Variants in MNAT1 observed in about 807,000 individuals in gnomAD.
The protein encoded by MNAT1 is MNAT1 component of CDK activating kinase, also known as CDK-activating kinase assembly factor MAT1.
MNAT1 carries 43 observed loss-of-function variants against 42.0 expected under a neutral mutation model. The ratio of observed to expected loss-of-function variants is 1.02; its 90% CI spans 0.80 to 1.32. The LOEUF (loss-of-function observed/expected upper bound fraction) is 1.32, where lower values mean the gene tolerates loss of function less well. Ranked by LOEUF, MNAT1 falls within the 40% of genes most tolerant of loss-of-function variation. MNAT1 has a pLI of 0.00. For missense variants in MNAT1, 306 were observed against 350.4 expected (o/e 0.87, Z 1.01); for synonymous variants, 118 against 120.0 (o/e 0.98, Z 0.11).
intron 6 of MNAT1, among the ~76,000 whole-genome samples, chr14:60,870,982 G>A (rs2034312741): frequency 6.6e-6 from 1 of 152,092 alleles, no homozygotes; most frequent in African/African-American, 2.4e-5. Context: ...TCCTAGAAGT[G>A]GAATCATGTA....
chr14:60,852,310 G>T lies in MNAT1; in HGVS notation c.688-27404G>T, dbSNP rs117882235. Reference sequence around the variant, plus strand: ...TGATAATGAGCCTTTTTTAATGTTTGTTGGCTGCATAAATGTCTTGTTTTG... The same window carrying T: ...TGATAATGAGCCTTTTTTAATGTTTTTTGGCTGCATAAATGTCTTGTTTTG... On this transcript the variant is annotated intron_variant, in intron 6 of 7. Coordinates refer to ENST00000261245, the MANE Select transcript of MNAT1 (RefSeq NM_002431.4). Among the ~76,000 whole-genome samples, 806 of 152,108 alleles carry T rather than the reference G, an allele frequency of 5.3e-3. 8 individuals are homozygous for T. The highest frequency in any genetic ancestry group is 6.2e-3 in the Non-Finnish European group (419 of 67,986).
intron 7 of MNAT1, among the ~76,000 whole-genome samples, chr14:60,903,267 C>T (rs1004500937): frequency 3.3e-5 from 5 of 151,688 alleles, no homozygotes; most frequent in Non-Finnish European, 7.4e-5. Flanking sequence ...AGTTTTTGAA[C>T]CTAATGGTGT....
At chr14:60,806,274 C>T (rs1400701020) in intron 3 of MNAT1, among the ~76,000 whole-genome samples, 1 of 152,146 alleles carries the variant, frequency 6.6e-6, no homozygotes, top group Non-Finnish European at 1.5e-5. Context: ...TGCAAAGTGT[C>T]TCATAAGGAG....
chr14:60,802,812 G>A (rs761055886), intron 3 of MNAT1, among the ~76,000 whole-genome samples: 2 of 151,872 alleles, frequency 1.3e-5, no homozygotes, highest in Admixed American at 6.6e-5. Context: ...TGGGTGAAGC[G>A]TTTGCAGAAA....
intron 6 of MNAT1, among the ~76,000 whole-genome samples, chr14:60,858,066 T>G (rs957829673): frequency 6.6e-6 from 1 of 152,212 alleles, no homozygotes; most frequent in Non-Finnish European, 1.5e-5. Flanking sequence ...GCAGCATGAT[T>G]TATAATCCTT....
At position 60,856,864 on chromosome 14, in the gene MNAT1, A is replaced by G. The variant is rs146144868; in HGVS notation, c.688-22850A>G. On this transcript the variant is annotated intron_variant, in intron 6 of 7. Transcript: ENST00000261245. ...CCCAGCTAATTTTTTGTATTTTAGT[A>G]GAGATGGGGTTTCACCATATTGGCC... 8.2e-4 allele frequency among the ~76,000 whole-genome samples: 124 copies of G among 152,144 alleles called. 1 individual carries two copies. The East Asian group carries it at 0.017, about 20-fold the overall frequency.
chr14:60,784,152 A>G (rs1317291583), intron 1 of MNAT1, among the ~76,000 whole-genome samples: 1 of 142,112 alleles, frequency 7.0e-6, no homozygotes, highest in Non-Finnish European at 1.5e-5. Flanking sequence ...AGCTGGGATT[A>G]CAGATACGTG....
At chr14:60,876,049 T>A (rs2034429808) in intron 6 of MNAT1, among the ~76,000 whole-genome samples, 1 of 152,020 alleles carries the variant, frequency 6.6e-6, no homozygotes, top group Non-Finnish European at 1.5e-5. Context: ...CTAAAACATG[T>A]GACACCAATG....
intron 6 of MNAT1, among the ~76,000 whole-genome samples, chr14:60,848,456 T>C (rs2033734710): frequency 6.6e-6 from 1 of 152,210 alleles, no homozygotes; most frequent in Non-Finnish European, 1.5e-5. Context: ...GTTTTAAAAA[T>C]AGTTACAGCC....
Position 60,896,653 on chromosome 14 carries a change from T to A in MNAT1, c.809+16818T>A, listed in dbSNP as rs570084178. On this transcript the variant is annotated intron_variant, in intron 7 of 7. Coordinates refer to ENST00000261245, the MANE Select transcript of MNAT1 (RefSeq NM_002431.4). ...GGCGCACACCACCATGCCTGTCTAATTTTTTGTATTTTTAGTAGAGACGGG... is the reference window on the plus strand; with the variant it reads ...GGCGCACACCACCATGCCTGTCTAAATTTTTGTATTTTTAGTAGAGACGGG... Among the ~76,000 whole-genome samples, 14 of 152,124 alleles carry A rather than the reference T, an allele frequency of 9.2e-5. 1 individual carries two copies. Among genetic ancestry groups the A allele is most frequent in the Middle Eastern group, 6.8e-3 (2 of 294 alleles).
intron 7 of MNAT1, among the ~76,000 whole-genome samples, chr14:60,913,760 G>A (rs1467601414): frequency 6.6e-6 from 1 of 152,186 alleles, no homozygotes; most frequent in Admixed American, 6.5e-5. Context: ...TCCTAGTTAG[G>A]CTACTCTGGG....
At chr14:60,962,286 C>T (rs1324729919) in intron 7 of MNAT1, among the ~76,000 whole-genome samples, 1 of 152,128 alleles carries the variant, frequency 6.6e-6, no homozygotes, top group Non-Finnish European at 1.5e-5. Flanking sequence ...GAAGAATATA[C>T]TTAAAATTTA....
intron 6 of MNAT1, among the ~76,000 whole-genome samples, chr14:60,819,420 G>T (rs2032814000): frequency 6.7e-6 from 1 of 148,748 alleles, no homozygotes. Context: ...TATATACTTT[G>T]GCATATTAAC....
intron 6 of MNAT1, among the ~76,000 whole-genome samples, chr14:60,826,081 A>G (rs1227370314): frequency 6.6e-6 from 1 of 152,178 alleles, no homozygotes; most frequent in African/African-American, 2.4e-5. Flanking sequence ...GGATTTTATT[A>G]TTATATATTC....
chr14:60,883,992 T>C (rs1220183177), intron 7 of MNAT1, among the ~76,000 whole-genome samples: 1 of 151,124 alleles, frequency 6.6e-6, no homozygotes, highest in African/African-American at 2.5e-5. Context: ...TTTCCAAATA[T>C]AAGATCATAT....
chr14:60,774,709 T>G (rs1212858027), intron 1 of MNAT1, among the ~76,000 whole-genome samples: 1 of 152,142 alleles, frequency 6.6e-6, no homozygotes, highest in Non-Finnish European at 1.5e-5. Context: ...GTATTTTAGA[T>G]GTAGAGTCAT....
intron 6 of MNAT1, among the ~76,000 whole-genome samples, chr14:60,840,557 A>G (rs2033520262): frequency 2.0e-5 from 3 of 152,238 alleles, no homozygotes; most frequent in African/African-American, 7.2e-5. Flanking sequence ...TGCAGAGTGC[A>G]GCAGCTGGGG....
intron 1 of MNAT1, 101 bp downstream of exon 1, chr14:60,735,052 T>C: frequency 9.2e-7 from 1 of 1,084,912 alleles, no homozygotes. Flanking sequence ...AGGGCGTTGT[T>C]AGTTTCAACA....
intron 7 of MNAT1, among the ~76,000 whole-genome samples, chr14:60,944,762 G>C (rs1334760252): frequency 6.6e-6 from 1 of 152,040 alleles, no homozygotes; most frequent in Non-Finnish European, 1.5e-5. Context: ...TTTGGTAAGC[G>C]AGGCACTTTA....
Sources: gnomAD v4.1 joint callset for allele counts (sites outside exome capture counted in the v4.1 genomes callset) on GRCh38, gnomAD v4.1.1 for gene constraint, MANE v1.5 for transcripts, NCBI Gene and HGNC (gene_info 2026-07-23, HGNC 2026-07-21) for gene names.